ETV7: variants seen among roughly 807,000 people sequenced by gnomAD.
ETV7 encodes transcription factor ETV7.
Under a neutral mutation model 39.1 loss-of-function variants are expected in ETV7, and 43 were observed. The ratio of observed to expected loss-of-function variants is 1.10; its 90% CI spans 0.86 to 1.42. The LOEUF is 1.42. Among genes scored for constraint, ETV7 ranks in the 40% most tolerant of loss-of-function variants. ETV7 has a pLI of 0.00. For synonymous variants in ETV7, 196 were observed against 176.6 expected (o/e 1.11, Z -0.87); for missense variants, 432 against 442.3 (o/e 0.98, Z 0.21).
intron 4 of ETV7, 65 bp downstream of exon 4, chr6:36,373,388 G>A (rs3213529): frequency 0.032 from 45,951 of 1,444,840 alleles, 2,697 homozygotes; most frequent in East Asian, 0.23. Flanking sequence ...CCTTGAGGAT[G>A]TCCTGCCCTC....
intron 7 of ETV7, among the ~76,000 whole-genome samples, chr6:36,359,438 C>T (rs1367895802): frequency 2.8e-5 from 4 of 142,610 alleles, no homozygotes; most frequent in South Asian, 2.2e-4. Context: ...GTAACAAGAG[C>T]GAAACTCAGT....
downstream of ETV7, among the ~76,000 whole-genome samples, chr6:36,362,672 G>A (rs1217503170): frequency 6.6e-6 from 1 of 152,182 alleles, no homozygotes; most frequent in Non-Finnish European, 1.5e-5. Context: ...ACCACGGCCT[G>A]ATCTCCCTGG....
chr6:36,366,031 G>T (rs111953269), downstream of ETV7, among the ~76,000 whole-genome samples: 1 of 152,052 alleles, frequency 6.6e-6, no homozygotes, highest in South Asian at 2.1e-4. Flanking sequence ...AAAATTAGCC[G>T]GGTGTGGTGG....
Position 36,373,597 on chromosome 6 carries a change from G to GGT in ETV7, c.308-20_308-19insAC. 1.1e-6 allele frequency: 1 copy of GGT among 873,192 alleles called. No homozygotes were observed. Among genetic ancestry groups the GGT allele is most frequent in the Non-Finnish European group, 1.7e-6 (1 of 592,280 alleles). The allele number at this position is 873,192 out of a possible 1,614,324, so 54.1% of individuals were successfully genotyped here. On this transcript the variant is annotated intron_variant, in intron 3 of 7. Transcript: ENST00000340181. The stretch of plus-strand genomic sequence containing the variant: ...ACGTCACCTGGAGGTGGGTGGGAGG[G>GGT]AGGGCAGGCTGCTGAACAGGCCACG...
intron 2 of ETV7, among the ~76,000 whole-genome samples, chr6:36,376,247 TTATG>T (rs10539980): frequency 0.082 from 12,464 of 151,704 alleles, 1,490 homozygotes; most frequent in African/African-American, 0.27. Flanking sequence ...GTGTTTGTCA[TTATG>T]TATGTAGCAT....
At chr6:36,377,755 C>A (rs976812130) in intron 2 of ETV7, among the ~76,000 whole-genome samples, 1 of 152,158 alleles carries the variant, frequency 6.6e-6, no homozygotes, top group African/African-American at 2.4e-5. Context: ...CTGTGCAGGG[C>A]TAGGGACACG....
chr6:36,359,105 A>G (rs1772410266), intron 7 of ETV7, among the ~76,000 whole-genome samples: 1 of 152,218 alleles, frequency 6.6e-6, no homozygotes, highest in South Asian at 2.1e-4. Flanking sequence ...TGCACATAAC[A>G]AACTAACAAC....
chr6:36,364,135 T>G (rs1006739482), downstream of ETV7, among the ~76,000 whole-genome samples: 1 of 152,226 alleles, frequency 6.6e-6, no homozygotes, highest in Non-Finnish European at 1.5e-5. Flanking sequence ...GTTTTCCACC[T>G]CCCCACCAGA....
At chr6:36,356,183 C>CT (rs1223221985) in intron 7 of ETV7, among the ~76,000 whole-genome samples, 3 of 151,962 alleles carry the variant, frequency 2.0e-5, no homozygotes, top group African/African-American at 7.3e-5. Context: ...CCTGTAATCC[C>CT]TTCTCTTTGG....
intron 7 of ETV7, among the ~76,000 whole-genome samples, chr6:36,355,735 T>C (rs1013084949): frequency 2.0e-4 from 30 of 152,182 alleles, no homozygotes; most frequent in African/African-American, 7.0e-4. Flanking sequence ...AAGTATGGAT[T>C]TGAGAGAAAA....
exon 8 of ETV7, chr6:36,354,485 C>G: frequency 1.9e-6 from 1 of 525,756 alleles, no homozygotes; most frequent in Non-Finnish European, 3.4e-6. Context: ...CACCCATTGT[C>G]CCAACACTAT....
At chr6:36,371,629 G>C (rs1450752133) in intron 4 of ETV7, 69 bp from the exon 5 acceptor site, 5 of 1,336,442 alleles carry the variant, frequency 3.7e-6, no homozygotes, top group Non-Finnish European at 5.2e-6. Context: ...ATCCCTCAAT[G>C]GTGAGCCTGG....
In ETV7 at chr6:36,366,781, C is replaced by T. The variant is rs776124535; in HGVS notation, c.909-19G>A. On this transcript the variant is annotated intron_variant, in intron 7 of 7. Transcript: ENST00000340181. ...TAGAAATCTAGAATTCAGGCCCCAA[C>T]TGCAAATCAGCTCCTGCCCCAGCTG... is the stretch of plus-strand genomic sequence containing the variant. The T allele has an allele frequency of 1.2e-6, 2 of 1,614,068 alleles. No individual in the cohort carries two copies. Among genetic ancestry groups the T allele is most frequent in the Non-Finnish European group, 1.7e-6 (2 of 1,179,978 alleles).
At chr6:36,364,745 GC>G (rs200085671), downstream of ETV7, among the ~76,000 whole-genome samples, 794 of 152,348 alleles carry the variant, frequency 5.2e-3, 23 homozygotes, top group Admixed American at 0.047. Flanking sequence ...CAGAGGAGGT[GC>G]CGAGAGCGAG....
intron 4 of ETV7, among the ~76,000 whole-genome samples, chr6:36,372,430 C>T (rs779837720): frequency 1.1e-4 from 16 of 151,976 alleles, no homozygotes; most frequent in African/African-American, 1.7e-4. Context: ...AGACAAGTGA[C>T]GTGACCTGAC....
At chr6:36,386,322 C>T (rs1045299318) in intron 1 of ETV7, among the ~76,000 whole-genome samples, 1 of 152,102 alleles carries the variant, frequency 6.6e-6, no homozygotes, top group African/African-American at 2.4e-5. Context: ...AGCAAGACTC[C>T]GTCTCAGAAC....
intron 2 of ETV7, among the ~76,000 whole-genome samples, chr6:36,377,152 C>A (rs1184680442): frequency 6.6e-6 from 1 of 152,186 alleles, no homozygotes; most frequent in African/African-American, 2.4e-5. Flanking sequence ...ACACATTTGC[C>A]TTTGTGGGCA....
intron 3 of ETV7, among the ~76,000 whole-genome samples, chr6:36,375,438 T>C (rs1368332911): frequency 6.6e-6 from 1 of 152,218 alleles, no homozygotes; most frequent in Non-Finnish European, 1.5e-5. Context: ...ACCTAGTTTC[T>C]GGTTAAAATC....
intron 5 of ETV7, 56 bp from the exon 6 acceptor site, chr6:36,369,127 A>T: frequency 6.2e-7 from 1 of 1,605,500 alleles, no homozygotes. Context: ...CTGTGAGGAC[A>T]GGTGTTAGAA....
Sources: gnomAD v4.1 joint callset for allele counts (sites outside exome capture counted in the v4.1 genomes callset) on GRCh38, gnomAD v4.1.1 for gene constraint, MANE v1.5 for transcripts, NCBI Gene and HGNC (gene_info 2026-07-23, HGNC 2026-07-21) for gene names.